Variants in CC2D1A observed in about 807,000 individuals in gnomAD.
CC2D1A encodes the protein coiled-coil and C2 domain-containing protein 1A.
A neutral mutation model predicts 123.8 loss-of-function variants in CC2D1A; 68 were observed. The observed-to-expected ratio is 0.55, with a 90% CI of 0.45 to 0.67. CC2D1A has a LOEUF of 0.67. CC2D1A is among the 30% of genes least tolerant of loss of function. CC2D1A has a pLI of 0.00. For missense variants in CC2D1A, 1,185 were observed against 1,290.3 expected (o/e 0.92, Z 1.25); for synonymous variants, 477 against 528.0 (o/e 0.90, Z 1.32).
intron 17 of CC2D1A, among the ~76,000 whole-genome samples, chr19:13,924,460 A>G (rs1056634265): frequency 7.3e-5 from 11 of 150,234 alleles, no homozygotes; most frequent in African/African-American, 2.7e-4. Context: ...GTGAGCCACC[A>G]CTCCCGGCCT....
intron 1 of CC2D1A, among the ~76,000 whole-genome samples, chr19:13,908,229 C>T (rs987574088): frequency 2.0e-5 from 3 of 152,126 alleles, no homozygotes; most frequent in South Asian, 2.1e-4. Context: ...TGGTCTGTCT[C>T]GAACTCCCCA....
In CC2D1A at chr19:13,913,696, G is replaced by A. The variant is rs114556661; in HGVS notation, c.748+58G>A. Reference sequence around the variant, plus strand: ...ATCCGAGTGGGCCATCTGGCAGGATGCTGCTCTAGGGGGGTGCCGGCTGTG... The same window carrying A: ...ATCCGAGTGGGCCATCTGGCAGGATACTGCTCTAGGGGGGTGCCGGCTGTG... On this transcript the variant is annotated intron_variant, in intron 6 of 28. Coordinates refer to ENST00000318003, the MANE Select transcript of CC2D1A (RefSeq NM_017721.5). 1.2e-3 allele frequency: 1,550 copies of A among 1,338,330 alleles called. 18 individuals are homozygous for A. In the African/African-American group the frequency reaches 0.021, roughly 18 times the overall value. The allele number at this position is 1,338,330 out of a possible 1,614,324, so 82.9% of individuals were successfully genotyped here.
intron 6 of CC2D1A, 99 bp from the exon 7 acceptor site, chr19:13,917,970 GA>G (rs2145326702): frequency 7.4e-7 from 1 of 1,354,100 alleles, no homozygotes; most frequent in South Asian, 1.5e-5. Context: ...GGCTCTGTCT[GA>G]AAAAGAAAAA....
intron 26 of CC2D1A, 125 bp from the exon 27 acceptor site, chr19:13,929,953 G>T: frequency 1.2e-6 from 1 of 814,534 alleles, no homozygotes; most frequent in Non-Finnish European, 2.0e-6. Context: ...ATGGGCACCT[G>T]GAGGGGGAGG....
At chr19:13,927,380 C>A in intron 22 of CC2D1A, 115 bp downstream of exon 22, 1 of 822,096 alleles carries the variant, frequency 1.2e-6, no homozygotes, top group Non-Finnish European at 2.0e-6. Context: ...CCAGCCCCTC[C>A]CCTCAGAGCC....
In CC2D1A at chr19:13,918,829, G is replaced by A; in HGVS notation, c.1018+12G>A. 4 of 1,613,056 alleles carry A rather than the reference G, an allele frequency of 2.5e-6. No homozygotes were observed. Among genetic ancestry groups the A allele is most frequent in the Non-Finnish European group, 3.4e-6 (4 of 1,179,530 alleles). On this transcript the variant is annotated intron_variant, in intron 9 of 28. Coordinates refer to ENST00000318003, the MANE Select transcript of CC2D1A (RefSeq NM_017721.5). ...GCCCTCCACAACAGGTAGGTTCTGG[G>A]ACCCTCTGGGGTTGGGGGCAGGCTG...
Position 13,919,937 on chromosome 19 carries a change from G to A in CC2D1A, c.1342G>A (p.Glu448Lys). ...TGAAGGCCCAGAGGATGAAGAGGAT[G>A]AGGTGCCTAAGAAGGTTTGAGGGTT... is the stretch of plus-strand genomic sequence containing the variant. ...QDEGPEDEED[E>K]VPKKQNSPVA... The change falls in exon 12 of 29, where the codon GAG (glutamate) becomes AAG (lysine). Residue 448 changes from glutamate (E) to lysine (K), a missense_variant. By Grantham distance (56) the Glu-to-Lys change is moderately conservative (BLOSUM62 1). Transcript: ENST00000318003. 2 of 1,612,814 alleles carry A rather than the reference G, an allele frequency of 1.2e-6. No individual in the cohort carries two copies. Among genetic ancestry groups the A allele is most frequent in the Non-Finnish European group, 8.5e-7 (1 of 1,179,526 alleles).
chr19:13,930,063 G>A lies in CC2D1A; in HGVS notation c.2711-15G>A, dbSNP rs370036896. On this transcript the variant is annotated splice_polypyrimidine_tract_variant and intron_variant, in intron 26 of 28. Coordinates refer to ENST00000318003, the MANE Select transcript of CC2D1A (RefSeq NM_017721.5). The surrounding 1 kb of genome is among the most constrained non-coding windows in gnomAD (Gnocchi z 6.8). The stretch of plus-strand genomic sequence containing the variant: ...CCCCACCCTAAGCCTCCATTCCCCC[G>A]CCATCCATTCTCAGAATACGCAGCC... 54 of 1,611,466 alleles carry A rather than the reference G, an allele frequency of 3.4e-5. No individual in the cohort carries two copies. Among genetic ancestry groups the A allele is most frequent in the African/African-American group, 1.1e-4 (8 of 74,952 alleles).
chr19:13,918,341 T>C, intron 7 of CC2D1A, 147 bp downstream of exon 7: 1 of 1,162,850 alleles, frequency 8.6e-7, no homozygotes, highest in Non-Finnish European at 1.2e-6. Flanking sequence ...GTTTACCCCC[T>C]CTGTGAAATG....
intron 12 of CC2D1A, chr19:13,920,345 A>T: frequency 1.7e-6 from 1 of 575,422 alleles, no homozygotes; most frequent in East Asian, 3.1e-5. Context: ...ACTGCACTCC[A>T]GCCTGGACGA....
intron 17 of CC2D1A, among the ~76,000 whole-genome samples, chr19:13,926,045 C>CGTATATATAGGTGTATATATATATATAT (rs1568419032): frequency 9.2e-6 from 1 of 108,180 alleles, no homozygotes; most frequent in African/African-American, 5.6e-5. Flanking sequence ...TATATATATA[C>CGTATATATAGGTGTATATATATATATAT]ACGTATATAT....
At chr19:13,909,237 G>T (rs980963222) in intron 1 of CC2D1A, among the ~76,000 whole-genome samples, 1 of 152,020 alleles carries the variant, frequency 6.6e-6, no homozygotes, top group Non-Finnish European at 1.5e-5. Context: ...TTAGCCGGGC[G>T]TGGTGGCGGG....
rs766901226 is a variant in CC2D1A, at chr19:13,923,412, G to A, written c.1721G>A (p.Arg574Gln). 26 of 1,613,516 alleles carry A rather than the reference G, an allele frequency of 1.6e-5. No homozygotes were observed. Among genetic ancestry groups the A allele is most frequent in the African/African-American group, 2.7e-5 (2 of 74,912 alleles). ...PGPGLSQEAA[R>Q]RYGELTKLIR... Reference sequence around the variant, plus strand: ...CCGGGTCTGTCTCAGGAGGCCGCCCGGCGCTATGGTGAACTCACCAAGCTC... The same window carrying A: ...CCGGGTCTGTCTCAGGAGGCCGCCCAGCGCTATGGTGAACTCACCAAGCTC... Residue 574 changes from arginine to glutamine, a missense_variant, in exon 15 of 29, where the codon CGG becomes CAG. Coordinates refer to ENST00000318003, the MANE Select transcript of CC2D1A (RefSeq NM_017721.5). The surrounding 1 kb of genome is among the most constrained non-coding windows in gnomAD (Gnocchi z 5.3).
rs745472910 is a variant in CC2D1A at position 13,919,028 on chromosome 19, G to A, written c.1135G>A (p.Glu379Lys). The change falls in exon 10 of 29, where the codon GAG (glutamate) becomes AAG (lysine). Residue 379 changes from glutamate to lysine, a missense_variant. Physicochemically the swap from Glu to Lys is moderately conservative, Grantham distance 56. Coordinates refer to ENST00000318003, the MANE Select transcript of CC2D1A (RefSeq NM_017721.5). ...KGDQRKARMH[E>K]RIVKQYQDAI... is the part of the protein sequence containing the mutation. ...GGACCAGCGGAAAGCTCGAATGCACGAGCGCATCGTCAAGGTGCCCTGGGG... is the reference window on the plus strand; with the variant it reads ...GGACCAGCGGAAAGCTCGAATGCACAAGCGCATCGTCAAGGTGCCCTGGGG... 1.2e-5 allele frequency: 20 copies of A among 1,607,360 alleles called. No homozygotes were observed. In the South Asian group the frequency reaches 1.6e-4, roughly 12 times the overall value.
chr19:13,920,510 A>G, intron 12 of CC2D1A, 47 bp from the exon 13 acceptor site: 2 of 1,155,896 alleles, frequency 1.7e-6, no homozygotes, highest in Non-Finnish European at 2.6e-6. Flanking sequence ...GACTGGACTC[A>G]TCACAGGCGC....
In CC2D1A at chr19:13,930,419, C is replaced by T. The variant is rs371899358; in HGVS notation, c.*24C>T. On this transcript the variant is annotated 3_prime_UTR_variant, in exon 29 of 29. Transcript: ENST00000318003. The surrounding 1 kb of genome is among the most constrained non-coding windows in gnomAD (Gnocchi z 6.8). ...GAGGAGCCCATGGGGCGGGCAGCCCCCAGAAAGCGGGCAGCAGGCCCCGAT... is the reference window on the plus strand; with the variant it reads ...GAGGAGCCCATGGGGCGGGCAGCCCTCAGAAAGCGGGCAGCAGGCCCCGAT... 2 of 1,591,898 alleles carry T rather than the reference C, an allele frequency of 1.3e-6. No homozygotes were observed. Among genetic ancestry groups the T allele is most frequent in the Admixed American group, 1.8e-5 (1 of 55,912 alleles).
At chr19:13,907,507 T>C (rs1970807545) in intron 1 of CC2D1A, among the ~76,000 whole-genome samples, 1 of 151,670 alleles carries the variant, frequency 6.6e-6, no homozygotes, top group African/African-American at 2.4e-5. Flanking sequence ...ACCCCATCTC[T>C]ACTAAAAATA....
rs1971655927 is a variant in CC2D1A at position 13,926,707 on chromosome 19, CTTCCCCTATCCCAACGTGGT to C, written c.2056_2073+2del. Reference sequence around the variant, plus strand: ...ATCTGGATGTCTTTGTTCGGTTTGACTTCCCCTATCCCAACGTGGTACGTGGGGAGCTGAGGAGGGGAGGG... The same window carrying C: ...ATCTGGATGTCTTTGTTCGGTTTGACACGTGGGGAGCTGAGGAGGGGAGGG... On this transcript the variant is annotated splice_donor_variant and coding_sequence_variant, in exon 19 of 29. Coordinates refer to ENST00000318003, the MANE Select transcript of CC2D1A (RefSeq NM_017721.5). LOFTEE classifies it high-confidence loss of function. The C allele has an allele frequency of 6.2e-7, 1 of 1,614,052 alleles. No individual in the cohort carries two copies. Among genetic ancestry groups the C allele is most frequent in the African/African-American group, 1.3e-5 (1 of 74,908 alleles).
intron 1 of CC2D1A, among the ~76,000 whole-genome samples, chr19:13,907,043 T>C (rs137984722): frequency 3.9e-4 from 59 of 152,260 alleles, no homozygotes; most frequent in African/African-American, 1.4e-3. Flanking sequence ...GGTGTTCAGA[T>C]ATTAGAGTCT....
Sources: gnomAD v4.1 joint callset for allele counts (sites outside exome capture counted in the v4.1 genomes callset) on GRCh38, gnomAD v4.1.1 for gene constraint, Gnocchi (gnomAD v3.1) non-coding constraint, MANE v1.5 for transcripts, NCBI Gene and HGNC (gene_info 2026-07-23, HGNC 2026-07-21) for gene names.